The following XXYLT1 variants were observed in gnomAD, a reference collection of about 807,000 sequenced individuals.
XXYLT1 encodes xyloside xylosyltransferase 1.
Under a neutral mutation model 28.9 loss-of-function variants are expected in XXYLT1, and 20 were observed. The ratio of observed to expected loss-of-function variants is 0.69; its 90% CI spans 0.49 to 1.00. The LOEUF is 1.00. XXYLT1 is among the 50% of genes least tolerant of loss of function. The pLI, the probability that XXYLT1 is intolerant of heterozygous loss-of-function variation, is 0.00. For missense variants in XXYLT1, 542 were observed against 560.1 expected (o/e 0.97, Z 0.33); for synonymous variants, 257 against 253.8 (o/e 1.01, Z -0.12).
chr3:195,261,254 G>A (rs965231035), intron 1 of XXYLT1, among the ~76,000 whole-genome samples: 1 of 151,996 alleles, frequency 6.6e-6, no homozygotes, highest in African/African-American at 2.4e-5. Context: ...CCAACATGGT[G>A]AAACCCTGTC....
intron 3 of XXYLT1, among the ~76,000 whole-genome samples, chr3:195,111,790 G>C (rs758762792): frequency 1.5e-4 from 23 of 152,164 alleles, no homozygotes; most frequent in Non-Finnish European, 2.9e-4. Flanking sequence ...CTTGAGGCTG[G>C]ATTACCTCAG....
intron 2 of XXYLT1, among the ~76,000 whole-genome samples, chr3:195,172,162 G>A (rs1431940092): frequency 2.6e-5 from 4 of 152,118 alleles, no homozygotes; most frequent in Non-Finnish European, 5.9e-5. Context: ...AGCACTTCTA[G>A]CCCAGGCGAT....
rs1717993671 is a variant in XXYLT1 at position 195,115,463 on chromosome 3, A to C, written c.785+40986T>G. Among the ~76,000 whole-genome samples the C allele has an allele frequency of 6.6e-6, 1 of 152,168 alleles. No individual in the cohort carries two copies. Among genetic ancestry groups the C allele is most frequent in the African/African-American group, 2.4e-5 (1 of 41,446 alleles). ...GGAAACCTGCCCCTTGAGCCCCTCC[A>C]ACAATGTTGTAAGCACCTAATTCCA... On this transcript the variant is annotated intron_variant, in intron 3 of 3. Coordinates refer to ENST00000310380, the MANE Select transcript of XXYLT1 (RefSeq NM_152531.5). This position sits in a 1 kb window ranked among gnomAD's most constrained non-coding sequence, Gnocchi z 4.2.
At chr3:195,107,028 T>A (rs1378289815) in intron 3 of XXYLT1, among the ~76,000 whole-genome samples, 2 of 152,128 alleles carry the variant, frequency 1.3e-5, no homozygotes, top group African/African-American at 4.8e-5. Flanking sequence ...GGCAATGGGA[T>A]TAGAAAATAA....
rs895806653 is a variant in XXYLT1, at chr3:195,115,255, C to T, written c.785+41194G>A. On this transcript the variant is annotated intron_variant, in intron 3 of 3. Transcript: ENST00000310380. The surrounding 1 kb of genome is among the most constrained non-coding windows in gnomAD (Gnocchi z 4.2). ...GGTCCCAGTCACCTTGAACCCAGGT[C>T]GTGCTGCCGCTTCCTGAGTACCAGA... is the stretch of plus-strand genomic sequence containing the variant. Among the ~76,000 whole-genome samples the T allele has an allele frequency of 2.6e-5, 4 of 152,140 alleles. No homozygotes were observed. Among genetic ancestry groups the T allele is most frequent in the African/African-American group, 9.7e-5 (4 of 41,416 alleles).
chr3:195,145,270 C>T (rs1719773212), intron 3 of XXYLT1, among the ~76,000 whole-genome samples: 1 of 147,640 alleles, frequency 6.8e-6, no homozygotes, highest in Non-Finnish European at 1.5e-5. Context: ...CAAGTGGAAG[C>T]CACGTGAATG....
intron 3 of XXYLT1, among the ~76,000 whole-genome samples, chr3:195,138,004 C>T (rs1261544842): frequency 6.6e-6 from 1 of 152,134 alleles, no homozygotes; most frequent in Non-Finnish European, 1.5e-5. Context: ...GGGTGTCTCC[C>T]CATTTCACAG....
chr3:195,196,382 C>T (rs1722625501), intron 2 of XXYLT1, among the ~76,000 whole-genome samples: 2 of 152,310 alleles, frequency 1.3e-5, no homozygotes, highest in South Asian at 2.1e-4. Context: ...CTATTCCCCA[C>T]AGCCTACAGG....
rs1721876876 is a variant in XXYLT1, at chr3:195,180,110, C to G, written c.653-23529G>C. On this transcript the variant is annotated intron_variant, in intron 2 of 3. Transcript: ENST00000310380. The surrounding 1 kb of genome is among the most constrained non-coding windows in gnomAD (Gnocchi z 5.8). ...CCCAAGCAGTGGGGTTCTGGCAGAG[C>G]ACCGCTGACCCGTCATGGAAGGAGG... Among the ~76,000 whole-genome samples, 1 of 152,222 alleles carries G rather than the reference C, an allele frequency of 6.6e-6. No homozygotes were observed. The highest frequency in any genetic ancestry group is 6.5e-5 in the Admixed American group (1 of 15,282).
intron 2 of XXYLT1, among the ~76,000 whole-genome samples, chr3:195,181,306 C>G (rs879783757): frequency 2.6e-5 from 4 of 152,142 alleles, no homozygotes; most frequent in Admixed American, 2.6e-4. Context: ...TGCGGGGCTG[C>G]GGAGCATGTT....
Position 195,077,450 on chromosome 3 carries a change from G to A in XXYLT1, c.786-7339C>T, listed in dbSNP as rs935632385. Among the ~76,000 whole-genome samples, 4 of 152,188 alleles carry A rather than the reference G, an allele frequency of 2.6e-5. No homozygotes were observed. The highest frequency in any genetic ancestry group is 5.9e-5 in the Non-Finnish European group (4 of 68,016). ...TCCCTGTAGGTGCTCAGCCTCTGCA[G>A]AGCTGATGCTGCAAATGCTCCTCCC... is the stretch of plus-strand genomic sequence containing the variant. On this transcript the variant is annotated intron_variant, in intron 3 of 3. Coordinates refer to ENST00000310380, the MANE Select transcript of XXYLT1 (RefSeq NM_152531.5). This position sits in a 1 kb window ranked among gnomAD's most constrained non-coding sequence, Gnocchi z 4.8.
chr3:195,113,170 C>T (rs1286882472), intron 3 of XXYLT1, among the ~76,000 whole-genome samples: 2 of 152,178 alleles, frequency 1.3e-5, no homozygotes, highest in Non-Finnish European at 1.5e-5. Context: ...TGGACCTTCC[C>T]GTCTTTTCTC....
chr3:195,235,829 G>A (rs189490492), intron 1 of XXYLT1, among the ~76,000 whole-genome samples: 103 of 142,924 alleles, frequency 7.2e-4, no homozygotes, highest in Non-Finnish European at 1.4e-3. Flanking sequence ...AGAATTCTCC[G>A]AATTACTTGT....
At chr3:195,098,009 C>T (rs952053391) in intron 3 of XXYLT1, among the ~76,000 whole-genome samples, 2 of 152,152 alleles carry the variant, frequency 1.3e-5, no homozygotes, top group Non-Finnish European at 1.5e-5. Flanking sequence ...GGGAGGGGAA[C>T]AGTGTGCTTC....
At chr3:195,234,159 C>T (rs1160504660) in intron 1 of XXYLT1, among the ~76,000 whole-genome samples, 1 of 151,666 alleles carries the variant, frequency 6.6e-6, no homozygotes, top group Non-Finnish European at 1.5e-5. Context: ...CCTTGTGATC[C>T]GCCTGCCTCG....
At chr3:195,183,948 T>C (rs1198683057) in intron 2 of XXYLT1, among the ~76,000 whole-genome samples, 1 of 152,240 alleles carries the variant, frequency 6.6e-6, no homozygotes, top group African/African-American at 2.4e-5. Flanking sequence ...CTGTGAGGCA[T>C]ATCATTTTGA....
intron 3 of XXYLT1, among the ~76,000 whole-genome samples, chr3:195,107,583 AGGGGGAGGAGG>A (rs1717201540): frequency 6.4e-5 from 1 of 15,540 alleles, no homozygotes; most frequent in African/African-American, 2.9e-4. Flanking sequence ...GGGGAGGAGG[AGGGGGAGGAGG>A]AGGGGGAGGA....
intron 1 of XXYLT1, among the ~76,000 whole-genome samples, chr3:195,258,803 G>A (rs568882422): frequency 1.3e-5 from 2 of 152,346 alleles, no homozygotes; most frequent in South Asian, 4.1e-4. Flanking sequence ...CAAGAGGTAG[G>A]GGAGGGAGGA....
At chr3:195,196,710 C>A (rs77129569) in intron 2 of XXYLT1, among the ~76,000 whole-genome samples, 1 of 152,024 alleles carries the variant, frequency 6.6e-6, no homozygotes, top group Non-Finnish European at 1.5e-5. Context: ...GAGACCCAAC[C>A]GTGTAAAAGC....
Sources: gnomAD v4.1 joint callset for allele counts (sites outside exome capture counted in the v4.1 genomes callset) on GRCh38, gnomAD v4.1.1 for gene constraint, Gnocchi (gnomAD v3.1) non-coding constraint, MANE v1.5 for transcripts, NCBI Gene and HGNC (gene_info 2026-07-23, HGNC 2026-07-21) for gene names.